The following SMO variants were observed in gnomAD, a reference collection of about 807,000 sequenced individuals.
SMO encodes the protein smoothened, frizzled class receptor, also known as protein smoothened.
Under a neutral mutation model 81.6 loss-of-function variants are expected in SMO, and 40 were observed. The ratio of observed to expected loss-of-function variants is 0.49; its 90% CI spans 0.38 to 0.64. SMO has a LOEUF of 0.64. Ranked by LOEUF, SMO falls within the 30% of genes least tolerant of loss-of-function variation. The pLI, the probability that SMO is intolerant of heterozygous loss-of-function variation, is 0.00. For missense variants in SMO, 916 were observed against 1,061.1 expected (o/e 0.86, Z 1.90); for synonymous variants, 434 against 432.1 (o/e 1.00, Z -0.05).
rs1450232946 is a variant in SMO at position 129,189,502 on chromosome 7, G to T, written c.331+20G>T. 5 of 1,534,986 alleles carry T rather than the reference G, an allele frequency of 3.3e-6. No individual in the cohort carries two copies. The highest frequency in any genetic ancestry group is 4.9e-5 in the East Asian group (2 of 40,854). ...GGTCGGGTAAGTGCGGCGGAGCCGG[G>T]TCTGGGGGGCGGGAGGTGCCGCGGT... On this transcript the variant is annotated intron_variant, in intron 1 of 11. Coordinates refer to ENST00000249373, the MANE Select transcript of SMO (RefSeq NM_005631.5). The surrounding 1 kb of genome is among the most constrained non-coding windows in gnomAD (Gnocchi z 4.7).
At chr7:129,209,456 C>G (rs1445478355) in intron 8 of SMO, 59 bp downstream of exon 8, 15 of 1,020,640 alleles carry the variant, frequency 1.5e-5, no homozygotes, top group Non-Finnish European at 2.1e-5. Context: ...CATAAAGACA[C>G]CCACCTCCAC....
chr7:129,207,003 T>A (rs1363334988), intron 6 of SMO, among the ~76,000 whole-genome samples: 1 of 152,082 alleles, frequency 6.6e-6, no homozygotes, highest in East Asian at 1.9e-4. Context: ...CACCACCACG[T>A]CTGGCTAATT....
In SMO at chr7:129,208,337, G is replaced by A. The variant is rs373134417; in HGVS notation, c.1265-422G>A. On this transcript the variant is annotated intron_variant, in intron 6 of 11. Coordinates refer to ENST00000249373, the MANE Select transcript of SMO (RefSeq NM_005631.5). The surrounding 1 kb of genome is among the most constrained non-coding windows in gnomAD (Gnocchi z 5.2). ...GTGATGGTAGGTGCCTGTGATCCCA[G>A]CTGCTTGGGAGGCTGAGGCAGGAGA... Among the ~76,000 whole-genome samples the A allele has an allele frequency of 2.0e-5, 3 of 152,178 alleles. No individual in the cohort carries two copies. The East Asian group carries it at 5.8e-4, about 29-fold the overall frequency.
At chr7:129,205,160 C>T (rs773957682) in intron 2 of SMO, 43 bp from the exon 3 acceptor site, 7 of 1,564,242 alleles carry the variant, frequency 4.5e-6, no homozygotes, top group Admixed American at 3.3e-5. Context: ...GAGGCTCGTC[C>T]CTGAGCTGCC....
rs2150654834 is a variant in SMO, at chr7:129,211,094, G to A, written c.1782G>A (p.Val594=). ...AGCTGTCCTTCAGCATGCACACTGT[G>A]TCCCACGACGGGCCCGTGGGTGAGC... is the stretch of plus-strand genomic sequence containing the variant. The part of the protein sequence containing the change: ...GQELSFSMHT[V]SHDGPVAGLA... The change falls in exon 10 of 12, where the codon GTG becomes GTA. Residue 594 remains valine (V), a synonymous_variant. Coordinates refer to ENST00000249373, the MANE Select transcript of SMO (RefSeq NM_005631.5). The surrounding 1 kb of genome is among the most constrained non-coding windows in gnomAD (Gnocchi z 4.6). 6.2e-7 allele frequency: 1 copy of A among 1,610,522 alleles called. No individual in the cohort carries two copies. The highest frequency in any genetic ancestry group is 1.7e-4 in the Middle Eastern group (1 of 6,050).
chr7:129,189,600 A>G lies in SMO; in HGVS notation c.331+118A>G, dbSNP rs1793454465. On this transcript the variant is annotated intron_variant, in intron 1 of 11. Coordinates refer to ENST00000249373, the MANE Select transcript of SMO (RefSeq NM_005631.5). The surrounding 1 kb of genome is among the most constrained non-coding windows in gnomAD (Gnocchi z 4.7). ...AGAGGGCGGGGACAGCACCCGGGAG[A>G]GTTGGAGGGACAGATCCCGAAACTT... The G allele has an allele frequency of 8.9e-7, 1 of 1,127,826 alleles. No homozygotes were observed. The highest frequency in any genetic ancestry group is 2.8e-5 in the East Asian group (1 of 36,040). 69.9% of individuals were successfully genotyped at this position (1,127,826 alleles called of 1,614,324 possible). A position where few individuals can be genotyped will look rare whatever the true frequency, so the allele number is the denominator to read the frequency against.
intron 1 of SMO, among the ~76,000 whole-genome samples, chr7:129,200,781 G>T (rs1481151317): frequency 2.0e-5 from 3 of 152,174 alleles, no homozygotes; most frequent in African/African-American, 4.8e-5. Flanking sequence ...TATCACCCAG[G>T]CTGGAGTACA....
chr7:129,206,609 A>T lies in SMO; in HGVS notation c.1264+22A>T, dbSNP rs1793770555. 6.2e-7 allele frequency: 1 copy of T among 1,612,678 alleles called. No homozygotes were observed. Among genetic ancestry groups the T allele is most frequent in the South Asian group, 1.1e-5 (1 of 90,904 alleles). On this transcript the variant is annotated intron_variant, in intron 6 of 11. Transcript: ENST00000249373. The surrounding 1 kb of genome is among the most constrained non-coding windows in gnomAD (Gnocchi z 4.4). The stretch of plus-strand genomic sequence containing the variant: ...CGAGGTGAGTGAAGACCAGGCCAGG[A>T]CCAGTTGGGCAACAAAATATACTGG...
chr7:129,196,931 G>C (rs1584656122), intron 1 of SMO, among the ~76,000 whole-genome samples: 1 of 151,478 alleles, frequency 6.6e-6, no homozygotes, highest in African/African-American at 2.4e-5. Context: ...GCAGGAGAAT[G>C]GCGTGAACCT....
intron 2 of SMO, among the ~76,000 whole-genome samples, chr7:129,204,036 T>G (rs1053817534): frequency 1.3e-5 from 2 of 152,036 alleles, no homozygotes; most frequent in South Asian, 4.2e-4. Flanking sequence ...TTAGTCCTGT[T>G]TACTATATGC....
rs1238699461 is a variant in SMO, at chr7:129,212,115, G to A, written c.2028G>A (p.Arg676=). Residue 676 remains arginine (R), a synonymous_variant, in exon 12 of 12, where the codon AGG becomes AGA. Coordinates refer to ENST00000249373, the MANE Select transcript of SMO (RefSeq NM_005631.5). The surrounding 1 kb of genome is among the most constrained non-coding windows in gnomAD (Gnocchi z 5.0). ...QKRLGRKKKR[R]KRKKEVCPLA... ...GCCTGGGCCGGAAGAAGAAGAGGAG[G>A]AAGAGGAAGAAGGAGGTGTGCCCGC... is the stretch of plus-strand genomic sequence containing the variant. 1 of 1,569,458 alleles carries A rather than the reference G, an allele frequency of 6.4e-7. No homozygotes were observed. Among genetic ancestry groups the A allele is most frequent in the Non-Finnish European group, 8.6e-7 (1 of 1,158,550 alleles).
intron 1 of SMO, among the ~76,000 whole-genome samples, chr7:129,198,947 C>T (rs1417367154): frequency 1.3e-5 from 2 of 152,180 alleles, no homozygotes; most frequent in Non-Finnish European, 2.9e-5. Flanking sequence ...CTTGGTTGGT[C>T]TCCTATTGAT....
rs1487988140 is a variant in SMO at position 129,211,743 on chromosome 7, A to C, written c.1909A>C (p.Ile637Leu). The change falls in exon 11 of 12, where the codon ATT (isoleucine) becomes CTT (leucine). Residue 637 changes from isoleucine to leucine, a missense_variant. Physicochemically the swap from Ile to Leu is conservative, Grantham distance 5 (BLOSUM62 2). This residue lies in a region of SMO where 324 missense variants were observed against 312.9 expected (regional missense o/e 1.04). Transcript: ENST00000249373. This position sits in a 1 kb window ranked among gnomAD's most constrained non-coding sequence, Gnocchi z 4.6. ...ARRGAILPQD[I>L]SVTPVATPVP... ...GAGAGGAGCCATACTGCCCCAGGAT[A>C]TTTCTGTCACCCCTGTGGCAACTCC... The C allele has an allele frequency of 6.2e-7, 1 of 1,613,908 alleles. No individual in the cohort carries two copies. The highest frequency in any genetic ancestry group is 1.7e-5 in the Admixed American group (1 of 59,990).
In SMO at chr7:129,206,954, C is replaced by T. The variant is rs533684736; in HGVS notation, c.1264+367C>T. ...TCGCCTCCTGGGTTCAAGTGATTCT[C>T]CTGCCTCACCCTCCCCCATAGCTAA... On this transcript the variant is annotated intron_variant, in intron 6 of 11. Transcript: ENST00000249373. This position sits in a 1 kb window ranked among gnomAD's most constrained non-coding sequence, Gnocchi z 4.4. Among the ~76,000 whole-genome samples the T allele has an allele frequency of 2.0e-5, 3 of 152,338 alleles. No individual in the cohort carries two copies. The South Asian group carries it at 6.2e-4, about 32-fold the overall frequency.
chr7:129,209,254 T>TGGGTAACGTCCTGTCCTGCCCC, intron 7 of SMO, 35 bp from the exon 8 acceptor site: 1 of 1,284,444 alleles, frequency 7.8e-7, no homozygotes, highest in Non-Finnish European at 1.1e-6. Flanking sequence ...GGGACTGGGC[T>TGGGTAACGTCCTGTCCTGCCCC]TGGTAACGTC....
At position 129,208,968 on chromosome 7, in the gene SMO, C is replaced by A; in HGVS notation, c.1357+117C>A. ...CAGTGGGACAAGTTAGCCATAGGGACAAGGACAAGGGGTGTGTGTAGGTGG... is the reference window on the plus strand; with the variant it reads ...CAGTGGGACAAGTTAGCCATAGGGAAAAGGACAAGGGGTGTGTGTAGGTGG... On this transcript the variant is annotated intron_variant, in intron 7 of 11. Coordinates refer to ENST00000249373, the MANE Select transcript of SMO (RefSeq NM_005631.5). The surrounding 1 kb of genome is among the most constrained non-coding windows in gnomAD (Gnocchi z 5.2). 1 of 719,344 alleles carries A rather than the reference C, an allele frequency of 1.4e-6. No individual in the cohort carries two copies. The highest frequency in any genetic ancestry group is 2.5e-6 in the Non-Finnish European group (1 of 407,174). 44.6% of individuals were successfully genotyped at this position (719,344 alleles called of 1,614,324 possible). A position where few individuals can be genotyped will look rare whatever the true frequency, so the allele number is the denominator to read the frequency against.
intron 8 of SMO, chr7:129,209,641 T>C (rs1230774491): frequency 6.2e-6 from 3 of 486,056 alleles, no homozygotes; most frequent in Non-Finnish European, 1.1e-5. Context: ...AGCTGGTGCA[T>C]GTGTGACTGT....
Position 129,208,394 on chromosome 7 carries a change from T to C in SMO, c.1265-365T>C, listed in dbSNP as rs1325580327. ...TGAACCTGGGAGGCGGAGTTTACAA[T>C]GAGCCGAGATCACGCCATTGCACTC... On this transcript the variant is annotated intron_variant, in intron 6 of 11. Coordinates refer to ENST00000249373, the MANE Select transcript of SMO (RefSeq NM_005631.5). The surrounding 1 kb of genome is among the most constrained non-coding windows in gnomAD (Gnocchi z 5.2). Among the ~76,000 whole-genome samples, 1 of 151,962 alleles carries C rather than the reference T, an allele frequency of 6.6e-6. No individual in the cohort carries two copies. The highest frequency in any genetic ancestry group is 1.5e-5 in the Non-Finnish European group (1 of 68,002).
At chr7:129,190,768 T>G (rs1427504829) in intron 1 of SMO, among the ~76,000 whole-genome samples, 1 of 152,228 alleles carries the variant, frequency 6.6e-6, no homozygotes, top group Non-Finnish European at 1.5e-5. Context: ...CACAGCACAT[T>G]AGACAGAAAT....
Sources: allele counts gnomAD v4.1 joint callset (sites outside exome capture counted in the v4.1 genomes callset), GRCh38; gene constraint gnomAD v4.1.1; regional missense constraint gnomAD v4.1.1; non-coding constraint Gnocchi (gnomAD v3.1); transcripts MANE v1.5; gene names NCBI Gene and HGNC (gene_info 2026-07-23, HGNC 2026-07-21).